Variants in PYHIN1 observed in about 807,000 individuals in gnomAD.
PYHIN1 encodes the protein pyrin and HIN domain-containing protein 1.
PYHIN1 carries 32 observed loss-of-function variants against 43.7 expected under a neutral mutation model. The observed-to-expected ratio is 0.73, with a 90% CI of 0.55 to 0.98. The LOEUF (loss-of-function observed/expected upper bound fraction) is 0.98. Ranked by LOEUF, PYHIN1 falls within the 50% of genes least tolerant of loss-of-function variation. PYHIN1 has a pLI of 0.00. For synonymous variants in PYHIN1, 205 were observed against 203.1 expected (o/e 1.01, Z -0.08); for missense variants, 588 against 589.5 (o/e 1.00, Z 0.03).
chr1:158,960,101 A>G (rs962239525), intron 7 of PYHIN1, among the ~76,000 whole-genome samples: 6 of 152,166 alleles, frequency 3.9e-5, no homozygotes, highest in African/African-American at 1.2e-4. Flanking sequence ...CCTATATACA[A>G]GCTCTCTATT....
intron 4 of PYHIN1, chr1:158,939,608 G>A (rs1648790565): frequency 1.6e-6 from 2 of 1,268,034 alleles, no homozygotes; most frequent in Non-Finnish European, 2.2e-6. Context: ...TTTCCTTTAG[G>A]ATTTTCACAC....
chr1:158,982,878 A>G, the PYHIN1 span, among the ~76,000 whole-genome samples: 2 of 151,718 alleles, frequency 1.3e-5, no homozygotes, highest in Non-Finnish European at 2.9e-5. Context: ...CTGTATTCCT[A>G]TGTGTTTATT....
rs536419734 is a variant in PYHIN1 at position 158,953,526 on chromosome 1, C to G, written c.1359+8484C>G. Among the ~76,000 whole-genome samples the G allele has an allele frequency of 1.5e-3, 227 of 150,972 alleles. 1 individual carries two copies. Among genetic ancestry groups the G allele is most frequent in the Non-Finnish European group, 2.7e-3 (186 of 67,666 alleles). On this transcript the variant is annotated intron_variant, in intron 7 of 8. Transcript: ENST00000368140. The stretch of plus-strand genomic sequence containing the variant: ...CACACGGCAGGGTACTCCAACAGAC[C>G]TGCAGCTGAGGGTCCTGTCTGTTAG...
intron 7 of PYHIN1, among the ~76,000 whole-genome samples, chr1:158,950,862 A>G (rs1447282597): frequency 6.6e-6 from 1 of 152,182 alleles, no homozygotes; most frequent in Admixed American, 6.5e-5. Context: ...TGAAATTGTG[A>G]GCTGGCATAA....
intron 1 of PYHIN1, among the ~76,000 whole-genome samples, chr1:158,935,461 CAAATCAAGCCTAAAAGAA>C (rs2101640888): frequency 6.6e-6 from 1 of 152,138 alleles, no homozygotes; most frequent in South Asian, 2.1e-4. Flanking sequence ...ATGAATTAGA[CAAATCAAGCCTAAAAGAA>C]AAATCAAGCA....
At chr1:158,944,024 A>T in intron 6 of PYHIN1, 46 bp downstream of exon 6, 2 of 1,500,586 alleles carry the variant, frequency 1.3e-6, no homozygotes, top group Non-Finnish European at 1.8e-6. Context: ...GATGAAAATC[A>T]TTTGCTTTAA....
chr1:158,958,329 C>A (rs1172752732), intron 7 of PYHIN1, among the ~76,000 whole-genome samples: 2 of 142,232 alleles, frequency 1.4e-5, no homozygotes, highest in African/African-American at 5.2e-5. Flanking sequence ...CGGCATTATT[C>A]ACAATAGCAA....
At chr1:158,945,106 G>T in intron 7 of PYHIN1, 64 bp downstream of exon 7, 8 of 1,463,778 alleles carry the variant, frequency 5.5e-6, no homozygotes, top group East Asian at 2.3e-5. Flanking sequence ...TCATTAGATT[G>T]TTGAAAGAGT....
chr1:158,935,756 G>A (rs1455817410), intron 1 of PYHIN1, among the ~76,000 whole-genome samples: 1 of 152,160 alleles, frequency 6.6e-6, no homozygotes, highest in East Asian at 1.9e-4. Context: ...TCCAGTCATA[G>A]TGGTGGGTGT....
chr1:158,956,532 AG>A (rs1649943639), intron 7 of PYHIN1, among the ~76,000 whole-genome samples: 1 of 151,150 alleles, frequency 6.6e-6, no homozygotes, highest in African/African-American at 2.4e-5. Flanking sequence ...ATGCAGAAAA[AG>A]CCTTTGACAA....
At chr1:158,969,419 C>T (rs774548020) in intron 7 of PYHIN1, among the ~76,000 whole-genome samples, 4 of 151,870 alleles carry the variant, frequency 2.6e-5, no homozygotes, top group African/African-American at 4.8e-5. Flanking sequence ...TAGTATCTTA[C>T]CCATTACCAT....
At chr1:158,936,801 T>A (rs1648570025) in intron 1 of PYHIN1, 90 bp from the exon 2 acceptor site, 3 of 816,630 alleles carry the variant, frequency 3.7e-6, no homozygotes, top group Non-Finnish European at 5.3e-6. Context: ...AACAACTCTT[T>A]CTTATGGGCC....
chr1:158,938,801 T>C (rs954760724), intron 3 of PYHIN1, among the ~76,000 whole-genome samples: 8 of 152,148 alleles, frequency 5.3e-5, no homozygotes, highest in African/African-American at 1.7e-4. Flanking sequence ...GAGAGTCAGA[T>C]AAAAAAACGT....
intron 1 of PYHIN1, among the ~76,000 whole-genome samples, chr1:158,932,689 C>T (rs1648234392): frequency 6.6e-6 from 1 of 152,110 alleles, no homozygotes; most frequent in South Asian, 2.1e-4. Context: ...TCAAATAATT[C>T]AAATAATTCA....
Position 158,943,828 on chromosome 1 carries a change from G to A in PYHIN1, c.1041G>A (p.Gln347=), listed in dbSNP as rs370942662. The A allele has an allele frequency of 4.5e-5, 72 of 1,605,456 alleles. No individual in the cohort carries two copies. The highest frequency in any genetic ancestry group is 3.3e-4 in the Middle Eastern group (2 of 6,042). The change falls in exon 6 of 9, where the codon CAG becomes CAA. Residue 347 remains glutamine, a synonymous_variant. Coordinates refer to ENST00000368140, the MANE Select transcript of PYHIN1 (RefSeq NM_152501.5). The part of the protein sequence containing the change: ...VNRKTTIYEI[Q]DKTGSMAVVG... ...GGAAGACGACAATCTATGAAATTCA[G>A]GATAAAACAGGAAGTATGGCTGTAG...
intron 7 of PYHIN1, among the ~76,000 whole-genome samples, chr1:158,949,264 T>G (rs1021502768): frequency 2.0e-5 from 3 of 152,176 alleles, no homozygotes; most frequent in Non-Finnish European, 2.9e-5. Context: ...TGCAAACAGC[T>G]GTGTGGGCTC....
At chr1:158,939,785 G>A (rs1648801416) in intron 4 of PYHIN1, 1 of 492,894 alleles carries the variant, frequency 2.0e-6, no homozygotes. Flanking sequence ...TACTGTTTAT[G>A]ACAACTGAAG....
chr1:158,990,006 G>A, the PYHIN1 span, among the ~76,000 whole-genome samples: 1 of 150,050 alleles, frequency 6.7e-6, no homozygotes, highest in African/African-American at 2.5e-5. Context: ...ACAATAGAAT[G>A]GATAAATGCA....
intron 7 of PYHIN1, among the ~76,000 whole-genome samples, chr1:158,967,079 T>G (rs1305087742): frequency 6.6e-6 from 1 of 152,056 alleles, no homozygotes; most frequent in Non-Finnish European, 1.5e-5. Context: ...ACATCCAAGC[T>G]GAGAGTCAAA....
Sources: allele counts gnomAD v4.1 joint callset (sites outside exome capture counted in the v4.1 genomes callset), GRCh38; gene constraint gnomAD v4.1.1; transcripts MANE v1.5; gene names NCBI Gene and HGNC (gene_info 2026-07-23, HGNC 2026-07-21).